The following WDFY4 variants were observed in gnomAD, a reference collection of about 807,000 sequenced individuals.
The protein encoded by WDFY4 is WD repeat- and FYVE domain-containing protein 4.
WDFY4 carries 169 observed loss-of-function variants against 351.9 expected under a neutral mutation model. The ratio of observed to expected loss-of-function variants is 0.48; its 90% CI spans 0.42 to 0.55. WDFY4 has a LOEUF of 0.55. Among genes scored for constraint, WDFY4 ranks in the 20% least tolerant of loss-of-function variants. The probability of loss-of-function intolerance (pLI) is 0.00; values close to 1 mark genes in which losing one functional copy is unlikely to be tolerated. For missense variants in WDFY4, 3,803 were observed against 3,935.6 expected, an observed-to-expected ratio of 0.97 and a Z score of 0.90; for synonymous variants, 1,622 against 1,574.6, an observed-to-expected ratio of 1.03 and a Z score of -0.71.
In WDFY4 at chr10:48,890,561, GC is replaced by G. The variant is rs1009965692; in HGVS notation, c.7168-16del. On this transcript the variant is annotated splice_polypyrimidine_tract_variant and intron_variant, in intron 43 of 61. Coordinates refer to ENST00000325239, the MANE Select transcript of WDFY4 (RefSeq NM_001394531.1). ...TGCTTCCTGTGCACCACCTGACTCT[GC>G]CACTCTCTCCTTCCAGGTGACGCAG... 7.7e-6 allele frequency: 12 copies of G among 1,551,372 alleles called. No homozygotes were observed. The highest frequency in any genetic ancestry group is 1.4e-5 in the African/African-American group (1 of 73,016).
chr10:48,763,795 A>G (rs1234658238), intron 13 of WDFY4, among the ~76,000 whole-genome samples: 1 of 152,218 alleles, frequency 6.6e-6, no homozygotes, highest in Non-Finnish European at 1.5e-5. Context: ...AATGTAGTGC[A>G]TTTTCTCCAG....
chr10:48,823,428 A>G (rs2067895442), intron 35 of WDFY4: 1 of 1,195,358 alleles, frequency 8.4e-7, no homozygotes. Context: ...TTCACATCTC[A>G]TAGAGAGTGA....
intron 39 of WDFY4, among the ~76,000 whole-genome samples, chr10:48,856,697 T>C (rs1015222238): frequency 7.2e-5 from 11 of 152,218 alleles, no homozygotes; most frequent in African/African-American, 2.4e-4. Flanking sequence ...TTGATCTATC[T>C]TGCACTTTGA....
intron 19 of WDFY4, among the ~76,000 whole-genome samples, chr10:48,785,722 A>G (rs1359097293): frequency 6.6e-6 from 1 of 152,162 alleles, no homozygotes; most frequent in Non-Finnish European, 1.5e-5. Flanking sequence ...ATGTCACACT[A>G]TATTGATTTT....
At chr10:48,890,758 T>C (rs1406222735) in intron 44 of WDFY4, 31 bp downstream of exon 44, 1 of 1,550,864 alleles carries the variant, frequency 6.4e-7, no homozygotes, top group South Asian at 1.2e-5. Context: ...AGCAGATTCT[T>C]CCCTGAGCCC....
intron 1 of WDFY4, among the ~76,000 whole-genome samples, chr10:48,695,205 A>T (rs1441189333): frequency 1.3e-5 from 2 of 152,142 alleles, no homozygotes; most frequent in African/African-American, 2.4e-5. Flanking sequence ...GCTCCCAGGG[A>T]TCTGCTTTTC....
At chr10:48,929,564 C>G (rs1416928237) in intron 47 of WDFY4, among the ~76,000 whole-genome samples, 1 of 152,218 alleles carries the variant, frequency 6.6e-6, no homozygotes, top group African/African-American at 2.4e-5. Context: ...ACTTATTGTG[C>G]TGGTCTACAC....
At chr10:48,867,157 G>A (rs1478590620) in intron 39 of WDFY4, 108 bp from the exon 40 acceptor site, 2 of 323,586 alleles carry the variant, frequency 6.2e-6, no homozygotes, top group Admixed American at 7.9e-5. Context: ...GTGACAGAAT[G>A]AGACTGTGTC....
intron 47 of WDFY4, among the ~76,000 whole-genome samples, chr10:48,929,582 C>G (rs955571725): frequency 6.6e-6 from 1 of 152,244 alleles, no homozygotes; most frequent in African/African-American, 2.4e-5. Flanking sequence ...CACTCACTCT[C>G]CTGGTAAGCC....
chr10:48,721,289 G>A lies in WDFY4; in HGVS notation c.378G>A (p.Leu126=). The A allele has an allele frequency of 6.4e-7, 1 of 1,551,666 alleles. No homozygotes were observed. The highest frequency in any genetic ancestry group is 2.0e-5 in the Admixed American group (1 of 50,998). The change falls in exon 4 of 62, where the codon TTG becomes TTA. Residue 126 remains leucine, a synonymous_variant. Coordinates refer to ENST00000325239, the MANE Select transcript of WDFY4 (RefSeq NM_001394531.1). ...AAGCTCGGTTGGCAGCTGGACAGTTGCTGTGGTGGAAGGGGGACGTGGATC... is the reference window on the plus strand; with the variant it reads ...AAGCTCGGTTGGCAGCTGGACAGTTACTGTGGTGGAAGGGGGACGTGGATC... ...AEQARLAAGQ[L]LWWKGDVDQD...
intron 47 of WDFY4, chr10:48,913,356 CTT>C: frequency 6.3e-7 from 1 of 1,589,144 alleles, no homozygotes; most frequent in South Asian, 1.1e-5. Context: ...CTCCCTCTCT[CTT>C]TCCCTTCTGC....
At chr10:48,925,819 C>G (rs937303116) in intron 47 of WDFY4, among the ~76,000 whole-genome samples, 1 of 152,174 alleles carries the variant, frequency 6.6e-6, no homozygotes, top group Non-Finnish European at 1.5e-5. Flanking sequence ...TCAAGAGCTC[C>G]TCTCTATCAT....
intron 40 of WDFY4, among the ~76,000 whole-genome samples, 173 bp from the exon 41 acceptor site, chr10:48,873,318 C>T (rs183832274): frequency 2.0e-5 from 3 of 152,344 alleles, no homozygotes; most frequent in South Asian, 4.1e-4. Flanking sequence ...GCAACTGTTT[C>T]CTTATAGTCC....
intron 47 of WDFY4, among the ~76,000 whole-genome samples, chr10:48,928,516 G>A (rs1347279033): frequency 2.6e-5 from 4 of 152,114 alleles, no homozygotes; most frequent in South Asian, 4.1e-4. Context: ...GCAGCCTAGC[G>A]TCCTTATGGA....
intron 44 of WDFY4, among the ~76,000 whole-genome samples, chr10:48,892,353 A>G (rs1415697793): frequency 6.6e-6 from 1 of 152,198 alleles, no homozygotes; most frequent in Non-Finnish European, 1.5e-5. Flanking sequence ...TTATGTACTC[A>G]CTTGATTTGC....
intron 47 of WDFY4, chr10:48,910,887 G>T: frequency 1.0e-6 from 1 of 984,666 alleles, no homozygotes. Context: ...CACCAGGTGG[G>T]CTCTGTAACC....
chr10:48,809,808 A>G (rs1265825772), intron 28 of WDFY4, among the ~76,000 whole-genome samples: 1 of 152,140 alleles, frequency 6.6e-6, no homozygotes, highest in Admixed American at 6.5e-5. Flanking sequence ...TCTTCTCTTC[A>G]CTCCTAGTCC....
intron 13 of WDFY4, among the ~76,000 whole-genome samples, chr10:48,768,164 G>C (rs557729934): frequency 6.6e-6 from 1 of 152,244 alleles, no homozygotes; most frequent in African/African-American, 2.4e-5. Flanking sequence ...CAGAGACTTG[G>C]GGGCTTCTCA....
At chr10:48,805,633 G>A (rs1027027042) in intron 26 of WDFY4, among the ~76,000 whole-genome samples, 3 of 152,198 alleles carry the variant, frequency 2.0e-5, no homozygotes, top group African/African-American at 4.8e-5. Flanking sequence ...TGTGTTTACT[G>A]TTCCCACTGC....
Sources: allele counts gnomAD v4.1 joint callset (sites outside exome capture counted in the v4.1 genomes callset), GRCh38; gene constraint gnomAD v4.1.1; transcripts MANE v1.5; gene names NCBI Gene and HGNC (gene_info 2026-07-23, HGNC 2026-07-21).